CANX: variants seen among roughly 807,000 people sequenced by gnomAD.
The protein encoded by CANX is calnexin.
A neutral mutation model predicts 75.7 loss-of-function variants in CANX; 14 were observed. That is an observed-to-expected ratio of 0.19 (90% CI 0.12 to 0.29). The LOEUF is 0.29. Among genes scored for constraint, CANX ranks in the 10% least tolerant of loss-of-function variants. The probability of loss-of-function intolerance (pLI) is 1.00; values close to 1 mark genes in which losing one functional copy is unlikely to be tolerated. For synonymous variants in CANX, 227 were observed against 236.9 expected, an observed-to-expected ratio of 0.96 and a Z score of 0.38; for missense variants, 567 against 713.2, an observed-to-expected ratio of 0.79 and a Z score of 2.34.
intron 1 of CANX, among the ~76,000 whole-genome samples, chr5:179,690,599 A>T (rs1367848501): frequency 4.6e-5 from 5 of 109,342 alleles, no homozygotes; most frequent in African/African-American, 6.4e-5. Flanking sequence ...AAAAAAAAAA[A>T]TCTGAAAAAA....
chr5:179,708,285 T>G lies in CANX; in HGVS notation c.351T>G (p.Asp117Glu). Residue 117 changes from aspartate to glutamate, a missense_variant, in exon 5 of 15, where the codon GAT becomes GAG. This residue lies in a region of CANX where 351 missense variants were observed against 433.8 expected (regional missense o/e 0.81). Transcript: ENST00000247461. ...TGAAGGAGTCAAAGCTTCCAGGTGA[T>G]AAAGGACTTGTGTTGATGTCTCGGG... ...EEMKESKLPGDKGLVLMSRAK... is the reference protein window; with the variant it reads ...EEMKESKLPGEKGLVLMSRAK... The G allele has an allele frequency of 6.2e-7, 1 of 1,613,728 alleles. No individual in the cohort carries two copies. The highest frequency in any genetic ancestry group is 1.3e-5 in the African/African-American group (1 of 75,022).
chr5:179,707,091 A>G, intron 3 of CANX, 41 bp from the exon 4 acceptor site: 1 of 1,202,214 alleles, frequency 8.3e-7, no homozygotes, highest in Non-Finnish European at 1.2e-6. Context: ...TCACAAGTCA[A>G]CTGTCATTTT....
chr5:179,696,735 T>G (rs138567091), upstream of CANX, among the ~76,000 whole-genome samples: 325 of 152,338 alleles, frequency 2.1e-3, 1 homozygote, highest in African/African-American at 7.5e-3. Flanking sequence ...CCTTTCTCTG[T>G]GCTTTTTCAC....
intron 1 of CANX, among the ~76,000 whole-genome samples, chr5:179,685,449 T>C (rs1373475968): frequency 1.3e-5 from 2 of 151,856 alleles, no homozygotes; most frequent in Non-Finnish European, 2.9e-5. Flanking sequence ...TGTTTCTCTA[T>C]GTTGGTCAGG....
At chr5:179,678,664 G>GGC (rs1562423294) in exon 1 of CANX, 1 of 1,535,450 alleles carries the variant, frequency 6.5e-7, no homozygotes, top group South Asian at 1.2e-5. Flanking sequence ...TCCTCTGCCC[G>GGC]GCGCGCGCCG....
chr5:179,708,413 T>A (rs754651715), intron 5 of CANX, 33 bp downstream of exon 5: 2 of 1,595,382 alleles, frequency 1.3e-6, no homozygotes, highest in Non-Finnish European at 1.7e-6. Flanking sequence ...AAAAGCTTTC[T>A]GCAAAGGGTA....
At chr5:179,718,200 A>G (rs1168596683) in intron 8 of CANX, among the ~76,000 whole-genome samples, 1 of 150,330 alleles carries the variant, frequency 6.7e-6, no homozygotes, top group East Asian at 2.0e-4. Flanking sequence ...TTGTTGAGAC[A>G]GAGTCTCGTT....
intron 1 of CANX, among the ~76,000 whole-genome samples, chr5:179,682,239 C>T (rs1225555217): frequency 2.2e-5 from 3 of 135,768 alleles, no homozygotes; most frequent in East Asian, 2.1e-4. Context: ...GCAACAAGAG[C>T]GAAACTCCAT....
At position 179,680,205 on chromosome 5, in the gene CANX, A is replaced by G. The variant is rs1028549161; in HGVS notation, c.-4+1428A>G. On this transcript the variant is annotated intron_variant, in intron 1 of 14. Transcript: ENST00000681674. ...GGAAGCTGGGAAGGTGGACCAGTGC[A>G]CTATGTGAAGGTGCCCTACAGGCAG... 2.6e-5 allele frequency among the ~76,000 whole-genome samples: 4 copies of G among 151,994 alleles called. No homozygotes were observed. The East Asian group carries it at 7.7e-4, about 29-fold the overall frequency.
At chr5:179,683,954 G>A (rs1333765639) in intron 1 of CANX, among the ~76,000 whole-genome samples, 4 of 152,104 alleles carry the variant, frequency 2.6e-5, no homozygotes, top group Admixed American at 2.0e-4. Flanking sequence ...TCATTGTATG[G>A]AAACACCACA....
At chr5:179,698,614 C>T (rs1479710389), upstream of CANX, 2 of 1,285,796 alleles carry the variant, frequency 1.6e-6, no homozygotes, top group Non-Finnish European at 2.0e-6. Context: ...GTGAGGGCTA[C>T]TGGGGGTTGG....
At chr5:179,685,695 C>T (rs920550601) in intron 1 of CANX, among the ~76,000 whole-genome samples, 3 of 150,822 alleles carry the variant, frequency 2.0e-5, no homozygotes, top group Non-Finnish European at 3.0e-5. Flanking sequence ...GCTGGGATTA[C>T]AGGCAGCTGC....
chr5:179,692,683 A>C (rs1369824248), intron 1 of CANX, among the ~76,000 whole-genome samples: 1 of 150,646 alleles, frequency 6.6e-6, no homozygotes, highest in Non-Finnish European at 1.5e-5. Context: ...TATGCCACTA[A>C]TTTTTTATTT....
rs769462879 is a variant in CANX at position 179,720,550 on chromosome 5, C to G, written c.1172C>G (p.Pro391Arg). 3.1e-6 allele frequency: 5 copies of G among 1,613,630 alleles called. No homozygotes were observed. Among genetic ancestry groups the G allele is most frequent in the Admixed American group, 1.7e-5 (1 of 59,978 alleles). ...TGGAAGCCTCCTATGATTGACAATC[C>G]CAGTTACCAGGTTTGTGCCTCTTGA... ...GKWKPPMIDN[P>R]SYQGIWKPRK... is the part of the protein sequence containing the mutation. The change falls in exon 10 of 15, where the codon CCC (proline) becomes CGC (arginine). Residue 391 changes from proline to arginine, a missense_variant. Physicochemically the swap from Pro to Arg is moderately radical, Grantham distance 103. This residue lies in a region of CANX where 49 missense variants were observed against 100.1 expected (regional missense o/e 0.49). Transcript: ENST00000247461.
At chr5:179,714,506 A>AT (rs890764619) in intron 7 of CANX, among the ~76,000 whole-genome samples, 9 of 151,238 alleles carry the variant, frequency 6.0e-5, no homozygotes, top group South Asian at 2.1e-4. Context: ...TAACTTTTTT[A>AT]TTTTTTTATT....
In CANX at chr5:179,708,514, A is replaced by G. The variant is rs1581856979; in HGVS notation, c.446+134A>G. 2.0e-4 allele frequency: 128 copies of G among 641,730 alleles called. 2 individuals carry two copies. The East Asian group carries it at 3.8e-3, about 19-fold the overall frequency. 39.8% of individuals were successfully genotyped at this position (641,730 alleles called of 1,614,324 possible). A position where few individuals can be genotyped will look rare whatever the true frequency, so the allele number is the denominator to read the frequency against. On this transcript the variant is annotated intron_variant, in intron 5 of 14. Transcript: ENST00000247461. ...TAGGGATTTTTGGGTGAATTTAAAC[A>G]CCTTGTAATTAATAGTTTTTCCTGG... is the stretch of plus-strand genomic sequence containing the variant.
chr5:179,699,148 G>A (rs990303620), intron 1 of CANX, 46 bp downstream of exon 1: 7 of 984,078 alleles, frequency 7.1e-6, no homozygotes, highest in East Asian at 2.3e-4. Context: ...TGAGGACCTC[G>A]GGGGGCTGGG....
Position 179,679,362 on chromosome 5 carries a change from G to A in CANX, c.-4+585G>A, listed in dbSNP as rs903023342. 79 of 1,092,910 alleles carry A rather than the reference G, an allele frequency of 7.2e-5. 1 individual carries two copies. Among genetic ancestry groups the A allele is most frequent in the Non-Finnish European group, 3.3e-5 (26 of 789,966 alleles). The allele number at this position is 1,092,910 out of a possible 1,614,324, so 67.7% of individuals were successfully genotyped here. Reference sequence around the variant, plus strand: ...ATGTCTTAGCCCTGCAGCTACGGCTGCGGCTGTGTCTCACCAGCTGCTGGC... The same window carrying A: ...ATGTCTTAGCCCTGCAGCTACGGCTACGGCTGTGTCTCACCAGCTGCTGGC... On this transcript the variant is annotated intron_variant, in intron 1 of 14. Transcript: ENST00000681674.
At chr5:179,721,814 AC>A (rs1778328434) in intron 10 of CANX, among the ~76,000 whole-genome samples, 1 of 152,152 alleles carries the variant, frequency 6.6e-6, no homozygotes. Flanking sequence ...ATATACAAAT[AC>A]TAATATATGT....
Sources: gnomAD v4.1 joint callset for allele counts (sites outside exome capture counted in the v4.1 genomes callset) on GRCh38, gnomAD v4.1.1 for gene constraint, gnomAD v4.1.1 regional missense constraint, MANE v1.5 for transcripts, NCBI Gene and HGNC (gene_info 2026-07-23, HGNC 2026-07-21) for gene names.